The following PLEKHG1 variants were observed in gnomAD, a reference collection of about 807,000 sequenced individuals.
PLEKHG1 encodes the protein pleckstrin homology and RhoGEF domain containing G1.
A neutral mutation model predicts 100.8 loss-of-function variants in PLEKHG1; 44 were observed. That is an observed-to-expected ratio of 0.44 (90% CI 0.34 to 0.56). The LOEUF (loss-of-function observed/expected upper bound fraction) is 0.56. PLEKHG1 is among the 20% of genes least tolerant of loss of function. PLEKHG1 has a pLI of 0.01. For synonymous variants in PLEKHG1, 640 were observed against 662.5 expected (o/e 0.97, Z 0.52); for missense variants, 1,545 against 1,720.9 (o/e 0.90, Z 1.81).
chr6:150,605,408 G>A (rs1014712883), intron 1 of PLEKHG1: 11 of 152,232 alleles, frequency 7.2e-5, no homozygotes, highest in African/African-American at 2.7e-4. Flanking sequence ...AAAGTAGGGA[G>A]TAAGAATGAC....
chr6:150,742,721 A>G (rs1210178120), intron 2 of PLEKHG1, among the ~76,000 whole-genome samples: 1 of 152,192 alleles, frequency 6.6e-6, no homozygotes, highest in African/African-American at 2.4e-5. Flanking sequence ...TTACATTTCA[A>G]TATGAGGTTT....
At chr6:150,777,435 T>C (rs567500183) in intron 3 of PLEKHG1, among the ~76,000 whole-genome samples, 1 of 148,900 alleles carries the variant, frequency 6.7e-6, no homozygotes, top group Non-Finnish European at 1.5e-5. Context: ...GCAATCCTGG[T>C]GCACATGTGC....
At chr6:150,602,646 G>C (rs62432654) in intron 1 of PLEKHG1, among the ~76,000 whole-genome samples, 16,062 of 152,018 alleles carry the variant, frequency 0.11, 971 homozygotes, top group East Asian at 0.19. Flanking sequence ...TCAGTGTTTG[G>C]CACATATGGT....
At chr6:150,776,491 A>G (rs9478814) in intron 3 of PLEKHG1, among the ~76,000 whole-genome samples, 6,633 of 97,674 alleles carry the variant, frequency 0.068, 1,095 homozygotes, top group African/African-American at 0.17. Flanking sequence ...GTACATGTGC[A>G]GTTGCACATC....
chr6:150,833,741 C>T (rs1777083424), intron 15 of PLEKHG1, among the ~76,000 whole-genome samples: 1 of 152,134 alleles, frequency 6.6e-6, no homozygotes, highest in African/African-American at 2.4e-5. Flanking sequence ...TTAAGAAATC[C>T]TGCCCCAGAT....
chr6:150,704,094 A>T (rs552888081), intron 3 of PLEKHG1, among the ~76,000 whole-genome samples: 2 of 152,324 alleles, frequency 1.3e-5, no homozygotes, highest in East Asian at 3.9e-4. Context: ...AGTATCCTCA[A>T]TGGTTGATGG....
intron 3 of PLEKHG1, among the ~76,000 whole-genome samples, chr6:150,677,658 C>T (rs1200433864): frequency 6.6e-6 from 1 of 151,908 alleles, no homozygotes; most frequent in Non-Finnish European, 1.5e-5. Flanking sequence ...TCACTTGAGG[C>T]CAGGAATTCA....
intron 2 of PLEKHG1, among the ~76,000 whole-genome samples, chr6:150,746,903 T>G (rs1783194956): frequency 6.6e-6 from 1 of 152,232 alleles, no homozygotes. Flanking sequence ...ATTTGCAAGC[T>G]CAAACACTTT....
intron 7 of PLEKHG1, among the ~76,000 whole-genome samples, chr6:150,807,139 C>A (rs6924455): frequency 6.6e-6 from 1 of 152,248 alleles, no homozygotes; most frequent in South Asian, 2.1e-4. Flanking sequence ...TGTTATAATT[C>A]TTCTAATTTA....
At chr6:150,833,113 G>A (rs1202754957) in intron 15 of PLEKHG1, among the ~76,000 whole-genome samples, 1 of 150,412 alleles carries the variant, frequency 6.6e-6, no homozygotes, top group African/African-American at 2.5e-5. Context: ...CATGAACATG[G>A]CTTACTGCAG....
At chr6:150,700,929 G>T (rs1280166753) in intron 3 of PLEKHG1, among the ~76,000 whole-genome samples, 1 of 149,186 alleles carries the variant, frequency 6.7e-6, no homozygotes, top group African/African-American at 2.6e-5. Context: ...TGAGGATGGG[G>T]GTTATAGCTT....
chr6:150,653,121 C>T (rs2128575460), intron 3 of PLEKHG1, among the ~76,000 whole-genome samples: 1 of 152,184 alleles, frequency 6.6e-6, no homozygotes, highest in African/African-American at 2.4e-5. Context: ...AGGTTCTGGT[C>T]TGGAGCTGAC....
chr6:150,702,737 C>T (rs75589123), intron 3 of PLEKHG1, among the ~76,000 whole-genome samples: 6,460 of 152,126 alleles, frequency 0.042, 440 homozygotes, highest in African/African-American at 0.15. Flanking sequence ...ATAATAACCC[C>T]GAAGATAACC....
chr6:150,603,233 C>G (rs916849526), intron 1 of PLEKHG1, among the ~76,000 whole-genome samples: 1 of 152,174 alleles, frequency 6.6e-6, no homozygotes, highest in East Asian at 1.9e-4. Context: ...TGTAAGCAAC[C>G]TCATGCTTGT....
intron 3 of PLEKHG1, among the ~76,000 whole-genome samples, chr6:150,681,129 G>A (rs962357300): frequency 1.3e-5 from 2 of 152,160 alleles, no homozygotes; most frequent in South Asian, 2.1e-4. Flanking sequence ...GCTGAGGACC[G>A]TAAAGACAGC....
upstream of PLEKHG1, among the ~76,000 whole-genome samples, chr6:150,716,320 T>A (rs956741576): frequency 2.0e-5 from 3 of 152,180 alleles, no homozygotes; most frequent in Non-Finnish European, 4.4e-5. Context: ...GGGTTTAAAT[T>A]GTTACGCTCC....
intron 2 of PLEKHG1, among the ~76,000 whole-genome samples, chr6:150,758,535 A>C (rs991457383): frequency 2.0e-5 from 3 of 152,150 alleles, no homozygotes; most frequent in Non-Finnish European, 4.4e-5. Context: ...GGGTTTCACC[A>C]TGTTGGTCAG....
chr6:150,721,113 A>G (rs1194167659), exon 1 of PLEKHG1: 1 of 982,402 alleles, frequency 1.0e-6, no homozygotes, highest in African/African-American at 1.7e-5. Context: ...GGCGCTGCAC[A>G]GACTAGCAAA....
chr6:150,790,350 C>T (rs890047310), intron 4 of PLEKHG1, among the ~76,000 whole-genome samples: 6 of 152,150 alleles, frequency 3.9e-5, no homozygotes, highest in Non-Finnish European at 7.3e-5. Flanking sequence ...TTATATCTTT[C>T]AACTTTTAAA....
Sources: gnomAD v4.1 joint callset for allele counts (sites outside exome capture counted in the v4.1 genomes callset) on GRCh38, gnomAD v4.1.1 for gene constraint, MANE v1.5 for transcripts, NCBI Gene and HGNC (gene_info 2026-07-23, HGNC 2026-07-21) for gene names.